The following TUSC3 variants were observed in gnomAD, a reference collection of about 807,000 sequenced individuals.
TUSC3 encodes dolichyl-diphosphooligosaccharide--protein glycosyltransferase subunit TUSC3.
TUSC3 carries 45 observed loss-of-function variants against 44.8 expected under a neutral mutation model. The observed-to-expected ratio is 1.00, with a 90% CI of 0.79 to 1.29. The LOEUF (loss-of-function observed/expected upper bound fraction) is 1.29. Ranked by LOEUF, TUSC3 falls within the 50% of genes most tolerant of loss-of-function variation. TUSC3 has a pLI of 0.00. For missense variants in TUSC3, 519 were observed against 437.9 expected (o/e 1.19, Z -1.65); for synonymous variants, 212 against 152.9 (o/e 1.39, Z -2.85).
At chr8:15,423,969 G>GTTTTTGTTTTTTTT (rs1563247134) in intron 1 of TUSC3, among the ~76,000 whole-genome samples, 6 of 70,394 alleles carry the variant, frequency 8.5e-5, no homozygotes, top group East Asian at 1.1e-3. Flanking sequence ...GTTTTGCTTT[G>GTTTTTGTTTTTTTT]TTTTTTTTTT....
chr8:15,803,916 A>C, the TUSC3 span, among the ~76,000 whole-genome samples: 15 of 152,150 alleles, frequency 9.9e-5, no homozygotes, highest in African/African-American at 3.6e-4. Flanking sequence ...TCCATGGTGT[A>C]TATGTGCCAC....
chr8:15,476,256 G>A (rs955295931), intron 1 of TUSC3, among the ~76,000 whole-genome samples: 9 of 152,094 alleles, frequency 5.9e-5, no homozygotes, highest in East Asian at 1.9e-4. Flanking sequence ...ATAGCTACAC[G>A]AATTCATCAT....
intron 2 of TUSC3, among the ~76,000 whole-genome samples, chr8:15,495,385 T>C (rs1031484767): frequency 6.6e-6 from 1 of 152,190 alleles, no homozygotes; most frequent in Non-Finnish European, 1.5e-5. Flanking sequence ...TTTATCTTCC[T>C]AGTATATAGT....
intron 1 of TUSC3, among the ~76,000 whole-genome samples, chr8:15,428,936 T>A (rs2129116531): frequency 1.3e-5 from 2 of 152,316 alleles, no homozygotes; most frequent in South Asian, 4.1e-4. Context: ...TTCACTCTGA[T>A]GGTGGTTGCT....
downstream of TUSC3, among the ~76,000 whole-genome samples, chr8:15,771,199 A>G (rs1253013035): frequency 1.3e-5 from 2 of 152,178 alleles, no homozygotes; most frequent in Non-Finnish European, 2.9e-5. Flanking sequence ...CAGAAAAAAG[A>G]GTCTGTTCTA....
chr8:15,570,969 T>TTTTTTTTTTTTTTTTTTTTG (rs1563295647), intron 1 of TUSC3, among the ~76,000 whole-genome samples: 1 of 130,890 alleles, frequency 7.6e-6, no homozygotes, highest in East Asian at 2.4e-4. Context: ...TTTTTTTTTT[T>TTTTTTTTTTTTTTTTTTTTG]TTTTTGAGAT....
At chr8:15,772,977 A>C in the TUSC3 span, among the ~76,000 whole-genome samples, 4 of 152,100 alleles carry the variant, frequency 2.6e-5, no homozygotes, top group African/African-American at 9.6e-5. Context: ...AAGTGAACAC[A>C]AACACTCAAC....
chr8:15,697,027 G>A (rs1399128520), intron 6 of TUSC3, among the ~76,000 whole-genome samples: 1 of 152,112 alleles, frequency 6.6e-6, no homozygotes, highest in Non-Finnish European at 1.5e-5. Context: ...ATCTTGCCAG[G>A]AACTTAACCA....
At chr8:15,813,376 A>G in the TUSC3 span, among the ~76,000 whole-genome samples, 1 of 19,490 alleles carries the variant, frequency 5.1e-5, no homozygotes, top group Admixed American at 4.0e-4. Context: ...CATTTCTGAA[A>G]CAAACAAACA....
chr8:15,512,918 CTATA>C (rs1158614484), intron 2 of TUSC3, among the ~76,000 whole-genome samples: 3 of 71,240 alleles, frequency 4.2e-5, no homozygotes, highest in African/African-American at 1.9e-4. Context: ...ATATATGTAT[CTATA>C]TATATAATCA....
intron 6 of TUSC3, among the ~76,000 whole-genome samples, chr8:15,711,411 A>G (rs1809845594): frequency 6.6e-6 from 1 of 151,530 alleles, no homozygotes; most frequent in South Asian, 2.1e-4. Context: ...TTTCTAAACC[A>G]AAAACTTATC....
intron 1 of TUSC3, among the ~76,000 whole-genome samples, chr8:15,570,124 A>G (rs1802818320): frequency 6.6e-6 from 1 of 152,116 alleles, no homozygotes; most frequent in South Asian, 2.1e-4. Flanking sequence ...TGTCCATCGC[A>G]TTATAAATTC....
At chr8:15,609,874 C>G (rs1563132129) in intron 1 of TUSC3, among the ~76,000 whole-genome samples, 1 of 152,044 alleles carries the variant, frequency 6.6e-6, no homozygotes, top group Non-Finnish European at 1.5e-5. Flanking sequence ...TAAACATACA[C>G]TTTTGTGATA....
chr8:15,473,614 C>G (rs1800526999), intron 1 of TUSC3, among the ~76,000 whole-genome samples: 1 of 152,114 alleles, frequency 6.6e-6, no homozygotes, highest in African/African-American at 2.4e-5. Context: ...AGCTGGGACT[C>G]CGGGGGTGAC....
At chr8:15,850,620 G>A in the TUSC3 span, among the ~76,000 whole-genome samples, 8 of 152,012 alleles carry the variant, frequency 5.3e-5, no homozygotes, top group Non-Finnish European at 7.4e-5. Flanking sequence ...CTTTTGAAAG[G>A]TTCTATTTGT....
At chr8:15,688,770 T>C (rs1465529786) in intron 6 of TUSC3, 5 of 152,626 alleles carry the variant, frequency 3.3e-5, no homozygotes, top group Admixed American at 3.3e-4. Context: ...GAAGGAAACG[T>C]GCAATCACAA....
chr8:15,567,468 G>T (rs1411724677), intron 1 of TUSC3, among the ~76,000 whole-genome samples: 1 of 152,108 alleles, frequency 6.6e-6, no homozygotes, highest in Non-Finnish European at 1.5e-5. Flanking sequence ...ATTTAAAATA[G>T]TAGCAAACAT....
At chr8:15,633,002 C>G (rs1805884902) in intron 2 of TUSC3, among the ~76,000 whole-genome samples, 1 of 152,112 alleles carries the variant, frequency 6.6e-6, no homozygotes, top group Non-Finnish European at 1.5e-5. Flanking sequence ...ATTTAGAAAG[C>G]AAAAACTTAG....
At chr8:15,668,498 A>G (rs942152462) in intron 5 of TUSC3, among the ~76,000 whole-genome samples, 2 of 151,774 alleles carry the variant, frequency 1.3e-5, no homozygotes, top group Non-Finnish European at 3.0e-5. Flanking sequence ...GACAAGTGAA[A>G]AAGACTAGCA....
Sources: allele counts gnomAD v4.1 joint callset (sites outside exome capture counted in the v4.1 genomes callset), GRCh38; gene constraint gnomAD v4.1.1; transcripts MANE v1.5; gene names NCBI Gene and HGNC (gene_info 2026-07-23, HGNC 2026-07-21).